XRCC6: variants seen among roughly 807,000 people sequenced by gnomAD.
XRCC6 encodes X-ray repair cross complementing 6.
In XRCC6, 5 loss-of-function variants were observed where a neutral mutation model predicts 65.7. That is an observed-to-expected ratio of 0.08 (90% CI 0.04 to 0.16). The LOEUF (loss-of-function observed/expected upper bound fraction) is 0.16. XRCC6 is among the 10% of genes least tolerant of loss of function. The pLI, the probability that XRCC6 is intolerant of heterozygous loss-of-function variation, is 1.00. For synonymous variants in XRCC6, 270 were observed against 270.6 expected (o/e 1.00, Z 0.02); for missense variants, 447 against 738.1 (o/e 0.61, Z 4.57).
At chr22:41,656,872 A>T in intron 9 of XRCC6, 31 bp from the exon 10 acceptor site, 1 of 1,611,652 alleles carries the variant, frequency 6.2e-7, no homozygotes, top group South Asian at 1.1e-5. Flanking sequence ...ACTTGAAGTC[A>T]AATCAAAGAA....
Position 41,624,522 on chromosome 22 carries a change from T to TA in XRCC6, c.82+2443dup, listed in dbSNP as rs1013247663. 5.4e-5 allele frequency among the ~76,000 whole-genome samples: 8 copies of TA among 148,970 alleles called. No individual in the cohort carries two copies. The South Asian group carries it at 8.5e-4, about 16-fold the overall frequency. ...TAACATGGTGAAACCCCGTCTCTAC[T>TA]AAAAAAATACAAAAAATTAGCCAGG... On this transcript the variant is annotated intron_variant, in intron 2 of 12. Transcript: ENST00000360079.
chr22:41,650,727 A>G lies in XRCC6; in HGVS notation c.965A>G (p.Tyr322Cys). 1.9e-6 allele frequency: 3 copies of G among 1,612,868 alleles called. No homozygotes were observed. Among genetic ancestry groups the G allele is most frequent in the Non-Finnish European group, 2.5e-6 (3 of 1,179,560 alleles). The part of the protein sequence containing the change: ...LPSDTKRSQI[Y>C]GSRQIILEKE... ...CTTGTCGTTCTTCTCCTTCAGATCTATGGGAGTCGTCAGATTATACTGGAG... is the reference window on the plus strand; with the variant it reads ...CTTGTCGTTCTTCTCCTTCAGATCTGTGGGAGTCGTCAGATTATACTGGAG... The change falls in exon 8 of 13, where the codon TAT (tyrosine) becomes TGT (cysteine). Residue 322 changes from tyrosine (Y) to cysteine (C), a missense_variant. Physicochemically the swap from Tyr to Cys is radical, Grantham distance 194. Around this residue, in one of 4 missense-constraint regions of XRCC6, gnomAD observed 201 missense variants for 374.1 expected, o/e 0.54. Transcript: ENST00000360079.
At chr22:41,649,139 A>AAAAAAATATATATAT in intron 7 of XRCC6, among the ~76,000 whole-genome samples, 1 of 88,726 alleles carries the variant, frequency 1.1e-5, no homozygotes, top group African/African-American at 4.6e-5. Context: ...AAAAAAAAAA[A>AAAAAAATATATATAT]ATATATATAT....
At chr22:41,631,732 C>T (rs573293496) in intron 3 of XRCC6, among the ~76,000 whole-genome samples, 13 of 151,826 alleles carry the variant, frequency 8.6e-5, no homozygotes, top group East Asian at 3.9e-4. Context: ...GGGTGGCGGC[C>T]GGGCAGAGGC....
chr22:41,629,984 T>C (rs1360576487), intron 3 of XRCC6, among the ~76,000 whole-genome samples: 2 of 101,322 alleles, frequency 2.0e-5, no homozygotes, highest in East Asian at 2.3e-4. Flanking sequence ...GCATTTATGC[T>C]TTTTTTTTTT....
intron 7 of XRCC6, among the ~76,000 whole-genome samples, chr22:41,649,478 G>A (rs923958831): frequency 2.6e-5 from 4 of 151,742 alleles, no homozygotes; most frequent in South Asian, 4.1e-4. Flanking sequence ...GCCCTGCCTT[G>A]GAAGTAGTAC....
chr22:41,650,882 C>T lies in XRCC6; in HGVS notation c.1120C>T (p.Leu374=). The T allele has an allele frequency of 4.3e-6, 7 of 1,614,146 alleles. No individual in the cohort carries two copies. Among genetic ancestry groups the T allele is most frequent in the Non-Finnish European group, 5.9e-6 (7 of 1,180,022 alleles). ...PSLFVYPEES[L]VIGSSTLFSA... ...CCTGTTCGTGTACCCAGAGGAGTCG[C>T]TGGTGATTGGTAAGTAGCGTGGACC... Residue 374 remains leucine (L), a synonymous_variant, in exon 8 of 13, where the codon CTG becomes TTG. Transcript: ENST00000360079.
chr22:41,647,138 G>T (rs561773112), intron 7 of XRCC6, 56 bp downstream of exon 7: 1 of 1,586,092 alleles, frequency 6.3e-7, no homozygotes, highest in Non-Finnish European at 8.6e-7. Context: ...TCATTGTGTC[G>T]CCCAGGCTGG....
At chr22:41,623,399 T>A (rs2067632568) in intron 2 of XRCC6, among the ~76,000 whole-genome samples, 1 of 151,606 alleles carries the variant, frequency 6.6e-6, no homozygotes. Flanking sequence ...TTCTTTTTCT[T>A]TTTTTTTGGA....
intron 3 of XRCC6, among the ~76,000 whole-genome samples, chr22:41,631,140 G>A (rs60388948): frequency 0.079 from 11,658 of 147,828 alleles, 1,455 homozygotes; most frequent in African/African-American, 0.28. Context: ...AGGGCGGGGG[G>A]CTGACCCCCC....
intron 5 of XRCC6, 86 bp downstream of exon 5, chr22:41,636,856 C>T: frequency 6.8e-7 from 1 of 1,471,776 alleles, no homozygotes; most frequent in Non-Finnish European, 9.0e-7. Flanking sequence ...GGAGTCTTGG[C>T]TCAGCCTCAG....
chr22:41,625,363 C>T (rs1021597254), intron 2 of XRCC6, among the ~76,000 whole-genome samples: 21 of 152,058 alleles, frequency 1.4e-4, no homozygotes, highest in South Asian at 6.2e-4. Context: ...CAGTGGCTCA[C>T]GGCTGTAATC....
At chr22:41,640,745 G>A (rs1368015586) in intron 6 of XRCC6, among the ~76,000 whole-genome samples, 1 of 152,082 alleles carries the variant, frequency 6.6e-6, no homozygotes, top group Admixed American at 6.6e-5. Context: ...CAAGTATCTT[G>A]TCACCTCTTC....
intron 3 of XRCC6, among the ~76,000 whole-genome samples, chr22:41,633,558 T>G (rs2067779326): frequency 6.6e-6 from 1 of 152,078 alleles, no homozygotes; most frequent in South Asian, 2.1e-4. Context: ...TTGTTCTTGT[T>G]TTTTAGTAGA....
At chr22:41,652,994 A>G (rs2068015405) in intron 8 of XRCC6, among the ~76,000 whole-genome samples, 1 of 152,092 alleles carries the variant, frequency 6.6e-6, no homozygotes, top group South Asian at 2.1e-4. Context: ...CTTAAGTGGA[A>G]TGTTTGGGGC....
At chr22:41,638,356 AC>A (rs2147086508) in intron 6 of XRCC6, among the ~76,000 whole-genome samples, 1 of 152,310 alleles carries the variant, frequency 6.6e-6, no homozygotes, top group South Asian at 2.1e-4. Context: ...GCTTGACTAC[AC>A]ACCTGGGCTG....
At chr22:41,631,962 C>T (rs1028287322) in intron 3 of XRCC6, among the ~76,000 whole-genome samples, 2 of 152,080 alleles carry the variant, frequency 1.3e-5, no homozygotes, top group African/African-American at 4.8e-5. Flanking sequence ...CCCGTCTCCA[C>T]CAAAAAAATA....
At chr22:41,641,790 A>T (rs1422480758) in intron 6 of XRCC6, among the ~76,000 whole-genome samples, 1 of 152,112 alleles carries the variant, frequency 6.6e-6, no homozygotes, top group Non-Finnish European at 1.5e-5. Flanking sequence ...GTTACCAATG[A>T]CAGGATCTCC....
chr22:41,656,919 T>C lies in XRCC6; in HGVS notation c.1308T>C (p.Phe436=), dbSNP rs978018585. Residue 436 remains phenylalanine, a synonymous_variant, in exon 10 of 13, where the codon TTT becomes TTC. Transcript: ENST00000360079. ...QVTPPGFQLV[F]LPFADDKRKM... ...TTTCTTCAGGCTTCCAGCTGGTCTTTTTACCCTTTGCTGATGATAAAAGGA... is the reference window on the plus strand; with the variant it reads ...TTTCTTCAGGCTTCCAGCTGGTCTTCTTACCCTTTGCTGATGATAAAAGGA... The C allele has an allele frequency of 3.7e-6, 6 of 1,613,508 alleles. No homozygotes were observed. The highest frequency in any genetic ancestry group is 5.1e-6 in the Non-Finnish European group (6 of 1,179,962).
Sources: allele counts gnomAD v4.1 joint callset (sites outside exome capture counted in the v4.1 genomes callset), GRCh38; gene constraint gnomAD v4.1.1; regional missense constraint gnomAD v4.1.1; transcripts MANE v1.5; gene names NCBI Gene and HGNC (gene_info 2026-07-23, HGNC 2026-07-21).